Variants in STXBP5L observed in about 807,000 individuals in gnomAD.
STXBP5L encodes syntaxin-binding protein 5-like.
STXBP5L carries 65 observed loss-of-function variants against 144.5 expected under a neutral mutation model. The ratio of observed to expected loss-of-function variants is 0.45; its 90% confidence interval spans 0.37 to 0.55. The LOEUF (loss-of-function observed/expected upper bound fraction) is 0.55. Ranked by LOEUF, STXBP5L falls within the 20% of genes least tolerant of loss-of-function variation. The probability of loss-of-function intolerance (pLI) is 0.00; values close to 1 mark genes in which losing one functional copy is unlikely to be tolerated. For synonymous variants in STXBP5L, 505 were observed against 469.6 expected (o/e 1.08, Z -0.97); for missense variants, 1,298 against 1,405.5 (o/e 0.92, Z 1.22).
intron 20 of STXBP5L, among the ~76,000 whole-genome samples, chr3:121,362,586 C>G (rs2045743513): frequency 6.6e-6 from 1 of 152,166 alleles, no homozygotes; most frequent in South Asian, 2.1e-4. Context: ...CTTAAGTCAG[C>G]TTATTGTGAA....
At chr3:121,075,726 A>T (rs1181229929) in intron 5 of STXBP5L, among the ~76,000 whole-genome samples, 1 of 152,116 alleles carries the variant, frequency 6.6e-6, no homozygotes, top group Non-Finnish European at 1.5e-5. Context: ...TTTTCCCTGC[A>T]GGCTTTATTC....
At chr3:121,305,709 C>CT (rs1202010973) in intron 19 of STXBP5L, among the ~76,000 whole-genome samples, 9 of 152,028 alleles carry the variant, frequency 5.9e-5, no homozygotes, top group Admixed American at 2.0e-4. Context: ...GAAATACTGA[C>CT]TTTTTTTTGT....
intron 3 of STXBP5L, among the ~76,000 whole-genome samples, chr3:121,032,212 G>C (rs1004577708): frequency 6.9e-6 from 1 of 145,886 alleles, no homozygotes; most frequent in East Asian, 2.0e-4. Context: ...AAGCAGTAGA[G>C]AAAAATAATT....
Position 121,317,209 on chromosome 3 carries a change from G to A in STXBP5L, c.2111-1266G>A, listed in dbSNP as rs550798435. ...TTACATTGAAAGTCTTGAAAATAAT[G>A]TTCAATGAAGTAAAAAATAGAGCAA... On this transcript the variant is annotated intron_variant, in intron 19 of 26. Transcript: ENST00000471454. 3.3e-5 allele frequency among the ~76,000 whole-genome samples: 5 copies of A among 152,238 alleles called. No homozygotes were observed. The South Asian group carries it at 8.3e-4, about 25-fold the overall frequency.
intron 7 of STXBP5L, among the ~76,000 whole-genome samples, chr3:121,132,188 C>G (rs1183435334): frequency 6.6e-6 from 1 of 152,192 alleles, no homozygotes; most frequent in African/African-American, 2.4e-5. Flanking sequence ...CTGACCCTCC[C>G]TGCCCTGCTG....
At chr3:121,201,331 T>G (rs929615555) in intron 9 of STXBP5L, among the ~76,000 whole-genome samples, 1 of 152,250 alleles carries the variant, frequency 6.6e-6, no homozygotes, top group African/African-American at 2.4e-5. Context: ...AGACTAGGAT[T>G]GCAACCCCTA....
intron 2 of STXBP5L, among the ~76,000 whole-genome samples, chr3:120,938,680 A>T (rs530998642): frequency 1.6e-4 from 24 of 152,296 alleles, no homozygotes; most frequent in African/African-American, 5.3e-4. Context: ...TCGAGATGGG[A>T]TCAAACTACT....
intron 3 of STXBP5L, among the ~76,000 whole-genome samples, chr3:120,976,784 G>C (rs1941082655): frequency 6.6e-6 from 1 of 152,136 alleles, no homozygotes; most frequent in African/African-American, 2.4e-5. Context: ...CTTTATTCCT[G>C]CCTTCATTTC....
chr3:121,339,956 G>A (rs577836417), intron 20 of STXBP5L, among the ~76,000 whole-genome samples: 3 of 152,108 alleles, frequency 2.0e-5, no homozygotes, highest in South Asian at 4.1e-4. Context: ...GGAAGAATCA[G>A]TATCACACAA....
intron 3 of STXBP5L, among the ~76,000 whole-genome samples, chr3:121,014,875 A>G (rs1000823508): frequency 2.6e-5 from 4 of 152,118 alleles, no homozygotes; most frequent in Non-Finnish European, 5.9e-5. Context: ...TTTATGTGAT[A>G]TGAGTAATAA....
chr3:121,003,135 A>G (rs989473190), intron 3 of STXBP5L, among the ~76,000 whole-genome samples: 1 of 152,150 alleles, frequency 6.6e-6, no homozygotes, highest in East Asian at 1.9e-4. Flanking sequence ...TGCCACACTG[A>G]CTTCCACAAT....
intron 5 of STXBP5L, among the ~76,000 whole-genome samples, chr3:121,065,644 G>A (rs2041507981): frequency 6.6e-6 from 1 of 152,112 alleles, no homozygotes; most frequent in African/African-American, 2.4e-5. Context: ...CTAGGCTCAA[G>A]GGATCCTTCT....
At chr3:121,298,400 C>G (rs529900070) in intron 19 of STXBP5L, among the ~76,000 whole-genome samples, 8 of 152,222 alleles carry the variant, frequency 5.3e-5, no homozygotes, top group Middle Eastern at 6.8e-3. Flanking sequence ...TGAAAACCTT[C>G]ATAACATTGG....
chr3:121,289,600 A>T (rs1274962315), intron 19 of STXBP5L, among the ~76,000 whole-genome samples: 1 of 152,232 alleles, frequency 6.6e-6, no homozygotes, highest in Non-Finnish European at 1.5e-5. Flanking sequence ...CAGAATATAC[A>T]TTCTATTCAT....
intron 5 of STXBP5L, among the ~76,000 whole-genome samples, chr3:121,067,006 G>A (rs768967287): frequency 1.1e-4 from 17 of 151,894 alleles, no homozygotes; most frequent in Non-Finnish European, 2.1e-4. Flanking sequence ...CTTAATGGTA[G>A]GGCCTGTAGT....
chr3:120,908,501 G>A (rs1028264162), intron 1 of STXBP5L, among the ~76,000 whole-genome samples, 167 bp downstream of exon 1: 1 of 152,076 alleles, frequency 6.6e-6, no homozygotes, highest in African/African-American at 2.4e-5. Flanking sequence ...GCACCAGCGC[G>A]CGAATGCCCG....
At chr3:121,026,007 A>T (rs972612439) in intron 3 of STXBP5L, among the ~76,000 whole-genome samples, 1 of 143,912 alleles carries the variant, frequency 6.9e-6, no homozygotes, top group Non-Finnish European at 1.5e-5. Context: ...AATATATTAT[A>T]TATAAATATA....
intron 8 of STXBP5L, among the ~76,000 whole-genome samples, chr3:121,153,807 T>C (rs527373294): frequency 6.6e-6 from 1 of 151,938 alleles, no homozygotes; most frequent in South Asian, 2.1e-4. Flanking sequence ...CATGCAGTTA[T>C]GTTCTTTATA....
chr3:121,297,239 T>TGTGTGTGA (rs201815813), intron 19 of STXBP5L, among the ~76,000 whole-genome samples: 1 of 143,384 alleles, frequency 7.0e-6, no homozygotes, highest in African/African-American at 2.5e-5. Context: ...TGTGTGTGTG[T>TGTGTGTGA]GATATTCCTG....
Sources: gnomAD v4.1 joint callset for allele counts (sites outside exome capture counted in the v4.1 genomes callset) on GRCh38, gnomAD v4.1.1 for gene constraint, MANE v1.5 for transcripts, NCBI Gene and HGNC (gene_info 2026-07-23, HGNC 2026-07-21) for gene names.